RTTN: variants seen among roughly 807,000 people sequenced by gnomAD.
The protein encoded by RTTN is rotatin.
In RTTN, 182 loss-of-function variants were observed where a neutral mutation model predicts 269.2. The observed-to-expected ratio is 0.68, with a 90% confidence interval of 0.60 to 0.76. The LOEUF (loss-of-function observed/expected upper bound fraction) is 0.76, where lower values mean the gene tolerates loss of function less well. RTTN is among the 30% of genes least tolerant of loss of function. The pLI is 0.00. For synonymous variants in RTTN, 1,006 were observed against 963.5 expected (o/e 1.04, Z -0.82); for missense variants, 2,545 against 2,608.6 (o/e 0.98, Z 0.53).
chr18:70,104,469 A>G (rs967518154), intron 28 of RTTN, among the ~76,000 whole-genome samples: 3 of 152,058 alleles, frequency 2.0e-5, no homozygotes, highest in African/African-American at 7.2e-5. Flanking sequence ...TGTTATTACC[A>G]ATCTTCTGAA....
Position 70,020,716 on chromosome 18 carries a change from C to T in RTTN, c.6052G>A (p.Ala2018Thr). ...GTGTTCTCCAGTGGCATCTGGGAAG[C>T]CAACTTTAGGATACACAGCATCAGA... Reference protein sequence around the residue: ...NSLMLCILKLASQMPLENTTV... With the variant: ...NSLMLCILKLTSQMPLENTTV... Residue 2018 changes from alanine to threonine, a missense_variant, in exon 45 of 49, where the codon GCT (alanine) becomes ACT (threonine). Coordinates refer to ENST00000640769, the MANE Select transcript of RTTN (RefSeq NM_173630.4). 1 of 1,614,060 alleles carries T rather than the reference C, an allele frequency of 6.2e-7. No homozygotes were observed. Among genetic ancestry groups the T allele is most frequent in the Non-Finnish European group, 8.5e-7 (1 of 1,179,936 alleles).
intron 10 of RTTN, among the ~76,000 whole-genome samples, chr18:70,181,357 T>C (rs74616509): frequency 0.02 from 3,078 of 152,250 alleles, 106 homozygotes; most frequent in African/African-American, 0.068. Flanking sequence ...TACTTTCTCC[T>C]TGCATCTTGA....
At chr18:70,078,266 G>A (rs183160413) in intron 32 of RTTN, among the ~76,000 whole-genome samples, 10 of 151,990 alleles carry the variant, frequency 6.6e-5, no homozygotes, top group Non-Finnish European at 1.5e-4. Flanking sequence ...TTCTTGGGAG[G>A]AACAATCTTC....
chr18:70,118,035 A>T (rs2145527633), intron 26 of RTTN, among the ~76,000 whole-genome samples: 1 of 152,080 alleles, frequency 6.6e-6, no homozygotes, highest in East Asian at 1.9e-4. Flanking sequence ...AAAAAGAAAG[A>T]TATCAAGTAA....
At chr18:70,172,127 C>T (rs1318287849) in intron 11 of RTTN, among the ~76,000 whole-genome samples, 1 of 152,188 alleles carries the variant, frequency 6.6e-6, no homozygotes, top group Non-Finnish European at 1.5e-5. Context: ...AAATTACCTT[C>T]ATTTGTTTTA....
chr18:70,112,231 G>A (rs921264306), intron 27 of RTTN, among the ~76,000 whole-genome samples: 2 of 152,146 alleles, frequency 1.3e-5, no homozygotes, highest in Non-Finnish European at 2.9e-5. Context: ...TCGACGCTAT[G>A]AAGAAACTGC....
Position 70,143,632 on chromosome 18 carries a change from A to C in RTTN, c.2482-1245T>G, listed in dbSNP as rs2060316041. Among the ~76,000 whole-genome samples the C allele has an allele frequency of 3.9e-5, 6 of 152,240 alleles. No homozygotes were observed. The South Asian group carries it at 1.0e-3, about 26-fold the overall frequency. On this transcript the variant is annotated intron_variant, in intron 18 of 48. Transcript: ENST00000640769. ...TAGGAGGCGGGAGAGGATCTGAAAA[A>C]TAACTATCGGGTACTAGGCTTAGTA... is the stretch of plus-strand genomic sequence containing the variant.
At chr18:70,087,905 C>A (rs896547797) in intron 31 of RTTN, 84 bp downstream of exon 31, 1 of 1,409,064 alleles carries the variant, frequency 7.1e-7, no homozygotes, top group African/African-American at 1.4e-5. Context: ...GGTCAGTCCA[C>A]CATGTTGAGC....
At chr18:70,050,715 A>G (rs1568299323) in intron 39 of RTTN, among the ~76,000 whole-genome samples, 1 of 152,224 alleles carries the variant, frequency 6.6e-6, no homozygotes, top group Non-Finnish European at 1.5e-5. Flanking sequence ...AATGCAGCAC[A>G]TATACACCAT....
At chr18:70,107,874 A>G (rs145162339) in intron 28 of RTTN, among the ~76,000 whole-genome samples, 4 of 152,376 alleles carry the variant, frequency 2.6e-5, no homozygotes, top group African/African-American at 9.6e-5. Flanking sequence ...CCTTCACAGT[A>G]ACAAATTTTA....
At chr18:70,057,334 G>A (rs2057846916) in intron 37 of RTTN, among the ~76,000 whole-genome samples, 1 of 152,078 alleles carries the variant, frequency 6.6e-6, no homozygotes, top group South Asian at 2.1e-4. Flanking sequence ...TATCAAATTG[G>A]GTTTTGAAAA....
At chr18:70,128,783 T>G (rs2059929332) in intron 23 of RTTN, 1 of 413,278 alleles carries the variant, frequency 2.4e-6, no homozygotes, top group Non-Finnish European at 4.4e-6. Flanking sequence ...CCACATTCTA[T>G]GCTATATTAG....
intron 11 of RTTN, among the ~76,000 whole-genome samples, chr18:70,171,017 C>G (rs1034722864): frequency 2.0e-5 from 3 of 151,338 alleles, no homozygotes; most frequent in African/African-American, 7.4e-5. Flanking sequence ...GAAGGGGAAA[C>G]AAAGAATGAA....
rs115029214 is a variant in RTTN, at chr18:70,005,060, T to C, written c.6595+138A>G. On this transcript the variant is annotated intron_variant, in intron 48 of 48. Transcript: ENST00000640769. ...TCTATTTTATTATTTTAAAAAATGA[T>C]ATAATTAAAGCACATACTGAATATT... 1,088 of 520,392 alleles carry C rather than the reference T, an allele frequency of 2.1e-3. 10 individuals are homozygous for C. Among genetic ancestry groups the C allele is most frequent in the African/African-American group, 0.018 (949 of 51,300 alleles). 32.2% of individuals were successfully genotyped at this position (520,392 alleles called of 1,614,324 possible).
chr18:70,054,498 G>C (rs1236478429), intron 37 of RTTN, among the ~76,000 whole-genome samples: 1 of 152,134 alleles, frequency 6.6e-6, no homozygotes, highest in African/African-American at 2.4e-5. Context: ...ACCAAACAAA[G>C]CAATGTTTTC....
At chr18:70,086,547 A>T in intron 32 of RTTN, 66 bp downstream of exon 32, 1 of 1,186,900 alleles carries the variant, frequency 8.4e-7, no homozygotes, top group Non-Finnish European at 1.2e-6. Context: ...TACTACTTAT[A>T]CTGAAAATTT....
intron 27 of RTTN, among the ~76,000 whole-genome samples, chr18:70,110,987 G>C (rs2059449959): frequency 6.6e-6 from 1 of 152,220 alleles, no homozygotes; most frequent in South Asian, 2.1e-4. Flanking sequence ...GCTCAACAAG[G>C]CTGCCATGGC....
In RTTN at chr18:70,148,988, C is replaced by T. The variant is rs2060467884; in HGVS notation, c.2222G>A (p.Ser741Asn). The part of the protein sequence containing the change: ...DPLGNCILLL[S>N]KASSDTEEML... Reference sequence around the variant, plus strand: ...CTCTTCTGTGTCAGAACTTGCTTTGCTTAGAAGGAGAATGCAGTTACCCAG... The same window carrying T: ...CTCTTCTGTGTCAGAACTTGCTTTGTTTAGAAGGAGAATGCAGTTACCCAG... The change falls in exon 17 of 49, where the codon AGC becomes AAC. Residue 741 changes from serine (S) to asparagine (N), a missense_variant. Physicochemically the swap from Ser to Asn is conservative, Grantham distance 46. Transcript: ENST00000640769. 6.2e-7 allele frequency: 1 copy of T among 1,613,390 alleles called. No individual in the cohort carries two copies. Among genetic ancestry groups the T allele is most frequent in the Admixed American group, 1.7e-5 (1 of 59,954 alleles).
chr18:70,068,838 A>G (rs1334747551), intron 34 of RTTN, among the ~76,000 whole-genome samples: 1 of 152,172 alleles, frequency 6.6e-6, no homozygotes, highest in Non-Finnish European at 1.5e-5. Flanking sequence ...TGAGATCTTC[A>G]ATTTATAATC....
Sources: allele counts gnomAD v4.1 joint callset (sites outside exome capture counted in the v4.1 genomes callset), GRCh38; gene constraint gnomAD v4.1.1; transcripts MANE v1.5; gene names NCBI Gene and HGNC (gene_info 2026-07-23, HGNC 2026-07-21).